ERC2: variants seen among roughly 807,000 people sequenced by gnomAD.
ERC2 encodes the protein ERC protein 2.
ERC2 carries 42 observed loss-of-function variants against 114.8 expected under a neutral mutation model. The observed-to-expected ratio is 0.37, with a 90% CI of 0.29 to 0.47. The LOEUF (loss-of-function observed/expected upper bound fraction) is 0.47, where lower values mean the gene tolerates loss of function less well. Among genes scored for constraint, ERC2 ranks in the 20% least tolerant of loss-of-function variants. The pLI is 0.99. For synonymous variants in ERC2, 454 were observed against 425.5 expected, an observed-to-expected ratio of 1.07 and a Z score of -0.82; for missense variants, 939 against 1,150.7, an observed-to-expected ratio of 0.82 and a Z score of 2.66.
intron 15 of ERC2, among the ~76,000 whole-genome samples, chr3:55,722,293 C>A (rs1187222023): frequency 6.6e-6 from 1 of 152,040 alleles, no homozygotes; most frequent in Non-Finnish European, 1.5e-5. Context: ...GGCTCCCCCA[C>A]CTTGTCAACT....
intron 17 of ERC2, among the ~76,000 whole-genome samples, chr3:55,535,948 G>A (rs1184193353): frequency 3.3e-5 from 5 of 151,458 alleles, no homozygotes; most frequent in East Asian, 2.0e-4. Context: ...GCAGTGAGCC[G>A]AGATCACACC....
At chr3:56,215,110 T>C (rs1042431386) in intron 3 of ERC2, among the ~76,000 whole-genome samples, 8 of 152,120 alleles carry the variant, frequency 5.3e-5, no homozygotes, top group Non-Finnish European at 1.2e-4. Flanking sequence ...CGAGCTAACA[T>C]CATAATGACA....
chr3:55,758,520 C>A (rs1218717030), intron 14 of ERC2, among the ~76,000 whole-genome samples: 1 of 152,234 alleles, frequency 6.6e-6, no homozygotes, highest in Admixed American at 6.5e-5. Flanking sequence ...CCTGCAGAGC[C>A]TCCCAGTGGC....
At chr3:55,950,214 C>T (rs922125401) in intron 13 of ERC2, among the ~76,000 whole-genome samples, 1 of 152,182 alleles carries the variant, frequency 6.6e-6, no homozygotes, top group Non-Finnish European at 1.5e-5. Flanking sequence ...CCTTGTATTT[C>T]CAGGCTCTAC....
At chr3:55,552,600 C>T (rs56719902) in intron 17 of ERC2, among the ~76,000 whole-genome samples, 12,166 of 150,234 alleles carry the variant, frequency 0.081, 693 homozygotes, top group African/African-American at 0.16. Context: ...TTAAAACAGC[C>T]GGGTGTAACT....
chr3:55,615,000 A>G (rs556084398), intron 17 of ERC2, among the ~76,000 whole-genome samples: 2 of 152,346 alleles, frequency 1.3e-5, no homozygotes, highest in East Asian at 3.9e-4. Flanking sequence ...GGAACCATAA[A>G]ACTATTTTGG....
chr3:55,725,512 A>C (rs2064856963), intron 15 of ERC2, among the ~76,000 whole-genome samples: 1 of 150,708 alleles, frequency 6.6e-6, no homozygotes, highest in Non-Finnish European at 1.5e-5. Flanking sequence ...TCTCTGCAAC[A>C]AAAAAAAATA....
intron 6 of ERC2, among the ~76,000 whole-genome samples, chr3:56,114,148 C>G (rs1362981936): frequency 6.6e-6 from 1 of 152,160 alleles, no homozygotes; most frequent in Non-Finnish European, 1.5e-5. Flanking sequence ...ATGAAGGAGG[C>G]TTGCATGCAC....
At chr3:56,274,656 G>A (rs982905676) in intron 3 of ERC2, among the ~76,000 whole-genome samples, 2 of 152,280 alleles carry the variant, frequency 1.3e-5, no homozygotes, top group South Asian at 2.1e-4. Context: ...ATTGTTCTGT[G>A]TGTATGTACC....
At chr3:56,185,028 T>C (rs2083505526) in intron 3 of ERC2, 1 of 152,218 alleles carries the variant, frequency 6.6e-6, no homozygotes, top group Admixed American at 6.6e-5. Context: ...TGGGCCAATC[T>C]GCCACTGTGA....
At chr3:56,048,550 C>T (rs1211265855) in intron 7 of ERC2, among the ~76,000 whole-genome samples, 1 of 152,154 alleles carries the variant, frequency 6.6e-6, no homozygotes, top group East Asian at 1.9e-4. Flanking sequence ...ACTATTAGCA[C>T]CGCAGGTCCA....
chr3:56,086,678 T>C (rs2077520819), intron 6 of ERC2, among the ~76,000 whole-genome samples: 2 of 152,078 alleles, frequency 1.3e-5, no homozygotes, highest in Middle Eastern at 3.4e-3. Context: ...ACAGGGAAGA[T>C]AAGGCAAGAA....
intron 7 of ERC2, among the ~76,000 whole-genome samples, chr3:56,053,717 C>A (rs2075874541): frequency 7.7e-6 from 1 of 129,924 alleles, no homozygotes; most frequent in African/African-American, 2.7e-5. Context: ...CGGAAGGGAT[C>A]AAATGGAAAA....
At chr3:56,414,075 A>G (rs1301271378) in intron 2 of ERC2, among the ~76,000 whole-genome samples, 2 of 152,206 alleles carry the variant, frequency 1.3e-5, no homozygotes, top group African/African-American at 4.8e-5. Flanking sequence ...AAGTTCAAGA[A>G]CCATGGGCAG....
At chr3:56,133,921 G>A (rs571405996) in intron 6 of ERC2, among the ~76,000 whole-genome samples, 1 of 152,334 alleles carries the variant, frequency 6.6e-6, no homozygotes, top group Admixed American at 6.5e-5. Context: ...GGAAGGGTCT[G>A]TGTGACATAC....
chr3:56,285,894 G>A (rs2054666368), intron 3 of ERC2, among the ~76,000 whole-genome samples: 1 of 152,206 alleles, frequency 6.6e-6, no homozygotes, highest in South Asian at 2.1e-4. Context: ...GAGGAAGCCT[G>A]TGTTTTTATC....
chr3:55,566,131 T>C (rs921464130), intron 17 of ERC2, among the ~76,000 whole-genome samples: 2 of 152,186 alleles, frequency 1.3e-5, no homozygotes, highest in African/African-American at 4.8e-5. Context: ...ATCAAGAGCA[T>C]CTACTTGGTC....
At chr3:56,003,813 A>C (rs2072262765) in intron 10 of ERC2, among the ~76,000 whole-genome samples, 1 of 152,120 alleles carries the variant, frequency 6.6e-6, no homozygotes, top group Admixed American at 6.6e-5. Context: ...TTATGTTCCA[A>C]GTGCTTTAGA....
intron 2 of ERC2, among the ~76,000 whole-genome samples, chr3:56,380,993 G>C (rs907366886): frequency 6.6e-6 from 1 of 152,162 alleles, no homozygotes; most frequent in Non-Finnish European, 1.5e-5. Flanking sequence ...TTCCATTTGC[G>C]TCAATGTCTT....
Sources: gnomAD v4.1 joint callset for allele counts (sites outside exome capture counted in the v4.1 genomes callset) on GRCh38, gnomAD v4.1.1 for gene constraint, MANE v1.5 for transcripts, NCBI Gene and HGNC (gene_info 2026-07-23, HGNC 2026-07-21) for gene names.